Variants in ANKRD6 observed in about 807,000 individuals in gnomAD.
The protein encoded by ANKRD6 is ankyrin repeat domain 6, also known as ankyrin repeat domain-containing protein 6.
A neutral mutation model predicts 82.3 loss-of-function variants in ANKRD6; 56 were observed. The ratio of observed to expected loss-of-function variants is 0.68; its 90% CI spans 0.55 to 0.85. ANKRD6 has a LOEUF of 0.85. Ranked by LOEUF, ANKRD6 falls within the 40% of genes least tolerant of loss-of-function variation. The pLI is 0.00. For synonymous variants in ANKRD6, 347 were observed against 352.1 expected, an observed-to-expected ratio of 0.99 and a Z score of 0.16; for missense variants, 852 against 907.6, an observed-to-expected ratio of 0.94 and a Z score of 0.79.
intron 1 of ANKRD6, among the ~76,000 whole-genome samples, chr6:89,545,508 C>T (rs565991475): frequency 4.6e-5 from 7 of 152,226 alleles, no homozygotes; most frequent in Non-Finnish European, 5.9e-5. Flanking sequence ...TATGAAGTAG[C>T]GCACAGGAGG....
chr6:89,558,895 C>A (rs1371727014), intron 1 of ANKRD6, among the ~76,000 whole-genome samples: 2 of 151,806 alleles, frequency 1.3e-5, no homozygotes, highest in Admixed American at 6.6e-5. Flanking sequence ...CTCTAAAAGT[C>A]TATCAGTGAA....
chr6:89,500,990 T>TTC (rs1348450007), intron 1 of ANKRD6, among the ~76,000 whole-genome samples: 3 of 151,578 alleles, frequency 2.0e-5, no homozygotes, highest in Non-Finnish European at 4.4e-5. Context: ...TTTTTTTTTT[T>TTC]TTCTAGCACA....
chr6:89,503,000 A>G (rs925581752), intron 1 of ANKRD6, among the ~76,000 whole-genome samples: 4 of 152,104 alleles, frequency 2.6e-5, no homozygotes, highest in African/African-American at 9.7e-5. Context: ...CCCTCCCTAT[A>G]GTGCTGCCCC....
intron 1 of ANKRD6, among the ~76,000 whole-genome samples, chr6:89,562,190 T>C (rs1214539172): frequency 3.3e-5 from 5 of 152,232 alleles, no homozygotes; most frequent in Non-Finnish European, 7.3e-5. Context: ...GAACAGCTTC[T>C]GAAGGGGCTC....
rs574884363 is a variant in ANKRD6, at chr6:89,487,667, G to A, written c.-144+54292G>A. On this transcript the variant is annotated intron_variant, in intron 1 of 15. Transcript: ENST00000339746. The stretch of plus-strand genomic sequence containing the variant: ...CAAAACAAATCACATAAAGCATTTC[G>A]CCATCAAATGAAAAGAATAAGGTGG... Among the ~76,000 whole-genome samples, 18 of 152,210 alleles carry A rather than the reference G, an allele frequency of 1.2e-4. No homozygotes were observed. The South Asian group carries it at 3.7e-3, about 32-fold the overall frequency.
At chr6:89,481,369 T>C (rs190937617) in intron 1 of ANKRD6, among the ~76,000 whole-genome samples, 246 of 152,240 alleles carry the variant, frequency 1.6e-3, no homozygotes, top group African/African-American at 5.7e-3. Context: ...AACATGACGC[T>C]CAAAGGAAAT....
intron 1 of ANKRD6, among the ~76,000 whole-genome samples, chr6:89,470,124 C>T (rs569577751): frequency 6.6e-6 from 1 of 152,198 alleles, no homozygotes; most frequent in Non-Finnish European, 1.5e-5. Context: ...CATCCTCTCT[C>T]ACTGCACACA....
At chr6:89,508,787 G>T (rs919004818) in intron 1 of ANKRD6, 7 of 152,154 alleles carry the variant, frequency 4.6e-5, no homozygotes, top group Non-Finnish European at 1.0e-4. Context: ...AGATTTTTAA[G>T]AAAATCTCAC....
intron 1 of ANKRD6, among the ~76,000 whole-genome samples, chr6:89,448,006 C>T (rs1772321932): frequency 2.6e-5 from 4 of 151,978 alleles, no homozygotes; most frequent in Admixed American, 1.3e-4. Context: ...ACTTTCATAG[C>T]TAGAAAAGAC....
chr6:89,479,222 T>G (rs898087322), intron 1 of ANKRD6, among the ~76,000 whole-genome samples: 1 of 152,210 alleles, frequency 6.6e-6, no homozygotes. Context: ...CCCGGGGATG[T>G]ATCACTTGAG....
intron 1 of ANKRD6, among the ~76,000 whole-genome samples, chr6:89,488,998 G>A (rs1263988452): frequency 2.0e-5 from 3 of 151,948 alleles, no homozygotes; most frequent in Admixed American, 6.6e-5. Flanking sequence ...ATGACCTCCC[G>A]TTTGAAAATC....
At chr6:89,506,870 G>A (rs1779932483) in intron 1 of ANKRD6, among the ~76,000 whole-genome samples, 1 of 152,234 alleles carries the variant, frequency 6.6e-6, no homozygotes, top group South Asian at 2.1e-4. Context: ...GTTGAGGTGA[G>A]ATTAAACAAG....
chr6:89,477,766 G>A (rs1428341600), intron 1 of ANKRD6, among the ~76,000 whole-genome samples: 5 of 128,484 alleles, frequency 3.9e-5, no homozygotes, highest in African/African-American at 1.5e-4. Context: ...GCGAGACTCC[G>A]TCTCAAAAAA....
chr6:89,572,821 G>GAC (rs1790242972), intron 2 of ANKRD6, among the ~76,000 whole-genome samples: 1 of 152,120 alleles, frequency 6.6e-6, no homozygotes, highest in African/African-American at 2.4e-5. Flanking sequence ...AAGATCATTT[G>GAC]ACCATATACA....
Position 89,440,779 on chromosome 6 carries a change from C to G in ANKRD6, c.-144+7404C>G, listed in dbSNP as rs896568153. Among the ~76,000 whole-genome samples the G allele has an allele frequency of 7.3e-5, 11 of 150,888 alleles. No individual in the cohort carries two copies. The Admixed American group carries it at 7.3e-4, about 10-fold the overall frequency. On this transcript the variant is annotated intron_variant, in intron 1 of 15. Transcript: ENST00000339746. ...CTATGAATAGCCACTGCACTCCAGC[C>G]TAGGCAACATAGCAAGATCCCATCT...
chr6:89,512,314 C>G (rs1478593607), intron 1 of ANKRD6, among the ~76,000 whole-genome samples: 1 of 152,166 alleles, frequency 6.6e-6, no homozygotes, highest in Non-Finnish European at 1.5e-5. Flanking sequence ...GTAAAACATC[C>G]AGTAGAGAGG....
intron 1 of ANKRD6, among the ~76,000 whole-genome samples, chr6:89,529,863 G>A (rs1195759877): frequency 6.6e-6 from 1 of 152,168 alleles, no homozygotes; most frequent in Non-Finnish European, 1.5e-5. Flanking sequence ...AATTAAGTTT[G>A]CCATTTTATG....
intron 1 of ANKRD6, among the ~76,000 whole-genome samples, chr6:89,453,642 C>CCTAACT: frequency 6.6e-6 from 1 of 151,902 alleles, no homozygotes; most frequent in Middle Eastern, 3.2e-3. Context: ...TGCTGTAGCG[C>CCTAACT]AGTCTTGGCT....
chr6:89,621,973 A>C lies in ANKRD6; in HGVS notation c.844A>C (p.Lys282Gln), dbSNP rs1803517438. ...RSLRKKRERLKEERRAQSVPR... is the reference protein window; with the variant it reads ...RSLRKKRERLQEERRAQSVPR... ...CCTGAGGAAAAAGAGAGAGAGGCTC[A>C]AGGAAGAGAGGAGAGCCCAGTCTGT... Residue 282 changes from lysine to glutamine, a missense_variant, in exon 10 of 16, where the codon AAG (lysine) becomes CAG (glutamine). Physicochemically the swap from Lys to Gln is moderately conservative, Grantham distance 53. Transcript: ENST00000339746. 6.2e-7 allele frequency: 1 copy of C among 1,613,338 alleles called. No individual in the cohort carries two copies. The highest frequency in any genetic ancestry group is 1.3e-5 in the African/African-American group (1 of 74,934).
Sources: allele counts gnomAD v4.1 joint callset (sites outside exome capture counted in the v4.1 genomes callset), GRCh38; gene constraint gnomAD v4.1.1; transcripts MANE v1.5; gene names NCBI Gene and HGNC (gene_info 2026-07-23, HGNC 2026-07-21).